Variants in LENG8 observed in about 807,000 individuals in gnomAD.
LENG8 encodes leukocyte receptor cluster member 8.
LENG8 carries 28 observed loss-of-function variants against 102.1 expected under a neutral mutation model. That is an observed-to-expected ratio of 0.27 (90% CI 0.20 to 0.38). The LOEUF (loss-of-function observed/expected upper bound fraction) is 0.38, where lower values mean the gene tolerates loss of function less well. LENG8 is among the 10% of genes least tolerant of loss of function. The pLI is 1.00. For missense variants in LENG8, 1,022 were observed against 1,113.9 expected (o/e 0.92, Z 1.17); for synonymous variants, 531 against 456.7 (o/e 1.16, Z -2.07).
chr19:54,456,912 C>T lies in LENG8; in HGVS notation c.1722C>T (p.Arg574=). ...GTGCCCCCGACCCGTCCACCGTGCG[C>T]CCTGTGGCAGTAAGTGCCCAGCAGG... The part of the protein sequence containing the change: ...LTCAPDPSTV[R]PVAVLKKSLC... Residue 574 remains arginine, a synonymous_variant, in exon 11 of 16, where the codon CGC becomes CGT. Coordinates refer to ENST00000326764, the MANE Select transcript of LENG8 (RefSeq NM_052925.4). 1 of 1,605,986 alleles carries T rather than the reference C, an allele frequency of 6.2e-7. No homozygotes were observed. The highest frequency in any genetic ancestry group is 1.7e-5 in the Admixed American group (1 of 59,922).
At chr19:54,454,294 GA>G in intron 5 of LENG8, 135 bp from the exon 6 acceptor site, 1 of 796,550 alleles carries the variant, frequency 1.3e-6, no homozygotes, top group Non-Finnish European at 2.0e-6. Context: ...GGACTCGAAT[GA>G]ACTCACATTT....
chr19:54,456,577 C>T (rs536017971), intron 10 of LENG8, 59 bp from the exon 11 acceptor site: 23 of 1,549,302 alleles, frequency 1.5e-5, no homozygotes, highest in South Asian at 8.5e-5. Context: ...GCCAAAGGGG[C>T]GAGGCTGAAG....
chr19:54,453,536 G>A lies in LENG8; in HGVS notation c.316-10G>A, dbSNP rs757188087. ...CTCCCACTAAACCCTCCCTCCCTGC[G>A]CCTTTGCAGAGCATGTACCAGAGCT... On this transcript the variant is annotated splice_polypyrimidine_tract_variant and intron_variant, in intron 4 of 15. Coordinates refer to ENST00000326764, the MANE Select transcript of LENG8 (RefSeq NM_052925.4). The A allele has an allele frequency of 1.8e-5, 29 of 1,603,742 alleles. No homozygotes were observed. In the African/African-American group the frequency reaches 2.4e-4, roughly 13 times the overall value.
In LENG8 at chr19:54,453,532, C is replaced by T. The variant is rs776028702; in HGVS notation, c.316-14C>T. The T allele has an allele frequency of 6.3e-6, 10 of 1,596,664 alleles. No individual in the cohort carries two copies. The highest frequency in any genetic ancestry group is 1.3e-5 in the African/African-American group (1 of 74,526). ...AGGCCTCCCACTAAACCCTCCCTCCCTGCGCCTTTGCAGAGCATGTACCAG... is the reference window on the plus strand; with the variant it reads ...AGGCCTCCCACTAAACCCTCCCTCCTTGCGCCTTTGCAGAGCATGTACCAG... On this transcript the variant is annotated splice_polypyrimidine_tract_variant and intron_variant, in intron 4 of 15. Coordinates refer to ENST00000326764, the MANE Select transcript of LENG8 (RefSeq NM_052925.4).
chr19:54,455,412 C>G lies in LENG8; in HGVS notation c.870C>G (p.Pro290=). ...GNLSGKPDDW[P]QDMKEYVERC... ...TGTCTGGGAAGCCGGATGACTGGCC[C>G]CAGGACATGAAAGAGTATGTGGAGC... is the stretch of plus-strand genomic sequence containing the variant. The change falls in exon 8 of 16, where the codon CCC becomes CCG. Residue 290 remains proline, a synonymous_variant. Coordinates refer to ENST00000326764, the MANE Select transcript of LENG8 (RefSeq NM_052925.4). 1 of 1,614,210 alleles carries G rather than the reference C, an allele frequency of 6.2e-7. No homozygotes were observed.
At position 54,453,633 on chromosome 19, in the gene LENG8, C is replaced by G; in HGVS notation, c.403C>G (p.Gln135Glu). The G allele has an allele frequency of 6.2e-7, 1 of 1,613,722 alleles. No homozygotes were observed. The highest frequency in any genetic ancestry group is 8.5e-7 in the Non-Finnish European group (1 of 1,179,784). ...SATPQQPSAP[Q>E]HQGTLNQPPV... ...CACACCCCAGCAGCCATCCGCACCC[C>G]AACACCAAGGGACTCTGAACCAGGT... Residue 135 changes from glutamine (Q) to glutamate (E), a missense_variant, in exon 5 of 16, where the codon CAA (glutamine) becomes GAA (glutamate). By Grantham distance (29) the Gln-to-Glu change is conservative. Around this residue, in one of 7 missense-constraint regions of LENG8, gnomAD observed 343 missense variants for 320.2 expected, o/e 1.07. Transcript: ENST00000326764.
Position 54,458,239 on chromosome 19 carries a change from C to T in LENG8, c.2032+7C>T, listed in dbSNP as rs751598350. The stretch of plus-strand genomic sequence containing the variant: ...TTCACCAAGAACTCGGGAGGTGAGG[C>T]CCAGTCCCCAGGACAGAGGCCATGG... On this transcript the variant is annotated splice_region_variant and intron_variant, in intron 14 of 15. Transcript: ENST00000326764. 13 of 1,613,998 alleles carry T rather than the reference C, an allele frequency of 8.1e-6. No homozygotes were observed. Among genetic ancestry groups the T allele is most frequent in the African/African-American group, 4.0e-5 (3 of 74,950 alleles).
In LENG8 at chr19:54,458,229, G is replaced by C. The variant is rs1384134080; in HGVS notation, c.2029G>C (p.Gly677Arg). 2.5e-6 allele frequency: 4 copies of C among 1,614,096 alleles called. No individual in the cohort carries two copies. The highest frequency in any genetic ancestry group is 3.4e-6 in the Non-Finnish European group (4 of 1,180,058). ...ILYYIFTKNS[G>R]DITTELAYLT... is the part of the protein sequence containing the mutation. ...CTACTACATCTTCACCAAGAACTCG[G>C]GAGGTGAGGCCCAGTCCCCAGGACA... is the stretch of plus-strand genomic sequence containing the variant. The change falls in exon 14 of 16, where the codon GGA (glycine) becomes CGA (arginine). Residue 677 changes from glycine (G) to arginine (R), a missense_variant. Coordinates refer to ENST00000326764, the MANE Select transcript of LENG8 (RefSeq NM_052925.4).
chr19:54,459,174 TG>T, intron 15 of LENG8: 1 of 1,213,198 alleles, frequency 8.2e-7, no homozygotes, highest in Non-Finnish European at 1.0e-6. Flanking sequence ...CGCTGGGCAA[TG>T]TCAAGAGAGG....
intron 4 of LENG8, 75 bp from the exon 5 acceptor site, chr19:54,453,471 T>C: frequency 1.2e-6 from 1 of 862,104 alleles, no homozygotes; most frequent in Non-Finnish European, 1.9e-6. Context: ...TCATGGCTGG[T>C]GTAGTTCCTG....
chr19:54,451,467 G>A (rs1002496319), intron 2 of LENG8, 85 bp downstream of exon 2: 41 of 1,383,234 alleles, frequency 3.0e-5, no homozygotes, highest in East Asian at 2.5e-4. Context: ...GGGACCTCCC[G>A]TGGCCTTAGG....
chr19:54,458,559 C>T (rs777172208), intron 15 of LENG8, 38 bp downstream of exon 15: 1 of 1,613,274 alleles, frequency 6.2e-7, no homozygotes, highest in Non-Finnish European at 8.5e-7. Flanking sequence ...TTTGCTCTTC[C>T]CATCCTTCCG....
chr19:54,460,965 C>T lies in LENG8; in HGVS notation c.*37C>T, dbSNP rs755696100. The T allele has an allele frequency of 1.2e-5, 19 of 1,537,502 alleles. No homozygotes were observed. Among genetic ancestry groups the T allele is most frequent in the African/African-American group, 2.7e-5 (2 of 73,000 alleles). ...GGAGGGGCGGGGGCAGGGGCTGCAGCCCCCAGCGCTGCCTTTGCGGATTCT... is the reference window on the plus strand; with the variant it reads ...GGAGGGGCGGGGGCAGGGGCTGCAGTCCCCAGCGCTGCCTTTGCGGATTCT... On this transcript the variant is annotated 3_prime_UTR_variant, in exon 16 of 16. Coordinates refer to ENST00000326764, the MANE Select transcript of LENG8 (RefSeq NM_052925.4).
intron 15 of LENG8, 27 bp downstream of exon 15, chr19:54,458,548 C>T (rs747444161): frequency 6.2e-7 from 1 of 1,613,712 alleles, no homozygotes; most frequent in African/African-American, 1.3e-5. Context: ...TCCCTTCTGC[C>T]TTTGCTCTTC....
chr19:54,452,368 G>T, intron 3 of LENG8, 101 bp downstream of exon 3: 1 of 1,115,746 alleles, frequency 9.0e-7, no homozygotes, highest in South Asian at 1.5e-5. Context: ...GCTCTGAGGG[G>T]AAACATGAAA....
chr19:54,458,899 C>T (rs2084395232), intron 15 of LENG8: 3 of 1,543,894 alleles, frequency 1.9e-6, no homozygotes, highest in African/African-American at 2.7e-5. Context: ...GCTGTGCTCC[C>T]ACCATAGAGA....
At chr19:54,458,919 C>T (rs1225985018) in intron 15 of LENG8, 4 of 1,532,424 alleles carry the variant, frequency 2.6e-6, no homozygotes, top group Non-Finnish European at 3.5e-6. Flanking sequence ...ACCATCTAGA[C>T]AGCCTCTGGT....
At chr19:54,459,063 C>CG in intron 15 of LENG8, 1 of 1,403,956 alleles carries the variant, frequency 7.1e-7, no homozygotes, top group Non-Finnish European at 9.2e-7. Flanking sequence ...CAGTGTCCTT[C>CG]GTTCACTAGA....
At position 54,461,466 on chromosome 19, in the gene LENG8, GTCC is replaced by G. The variant is rs915768150; in HGVS notation, c.*541_*543del. On this transcript the variant is annotated 3_prime_UTR_variant, in exon 16 of 16. Coordinates refer to ENST00000326764, the MANE Select transcript of LENG8 (RefSeq NM_052925.4). The stretch of plus-strand genomic sequence containing the variant: ...GGGGAGCTGCTTAGAGACTGTGCCC[GTCC>G]TCGGCCCCCCACCCTGAAGTGCCAG... 11 of 461,920 alleles carry G rather than the reference GTCC, an allele frequency of 2.4e-5. No homozygotes were observed. Among genetic ancestry groups the G allele is most frequent in the African/African-American group, 4.0e-5 (2 of 50,086 alleles). 28.6% of individuals were successfully genotyped at this position (461,920 alleles called of 1,614,324 possible). A position where few individuals can be genotyped will look rare whatever the true frequency, so the allele number is the denominator to read the frequency against.
Sources: allele counts gnomAD v4.1 joint callset, GRCh38; gene constraint gnomAD v4.1.1; regional missense constraint gnomAD v4.1.1; transcripts MANE v1.5; gene names NCBI Gene and HGNC (gene_info 2026-07-23, HGNC 2026-07-21).